Variants in PPIG observed in about 807,000 individuals in gnomAD.
PPIG encodes peptidyl-prolyl cis-trans isomerase G.
PPIG carries 26 observed loss-of-function variants against 87.9 expected under a neutral mutation model. The ratio of observed to expected loss-of-function variants is 0.30; its 90% CI spans 0.22 to 0.41. The LOEUF (loss-of-function observed/expected upper bound fraction) is 0.41, where lower values mean the gene tolerates loss of function less well. Among genes scored for constraint, PPIG ranks in the 10% least tolerant of loss-of-function variants. PPIG has a pLI of 1.00. For missense variants in PPIG, 722 were observed against 879.4 expected (o/e 0.82, Z 2.26); for synonymous variants, 308 against 276.5 (o/e 1.11, Z -1.13).
intron 7 of PPIG, among the ~76,000 whole-genome samples, chr2:169,609,169 TGAGGGACG>T (rs1487834675): frequency 6.6e-6 from 1 of 151,978 alleles, no homozygotes; most frequent in Non-Finnish European, 1.5e-5. Context: ...GAGGAATCTA[TGAGGGACG>T]GAATTGTTGA....
At chr2:169,610,749 G>A (rs1342320508) in intron 7 of PPIG, among the ~76,000 whole-genome samples, 2 of 151,958 alleles carry the variant, frequency 1.3e-5, no homozygotes, top group African/African-American at 4.8e-5. Flanking sequence ...CATGTATACT[G>A]TTTCACTCTT....
At chr2:169,620,185 G>T (rs775472356) in intron 9 of PPIG, among the ~76,000 whole-genome samples, 16 of 151,932 alleles carry the variant, frequency 1.1e-4, no homozygotes, top group Non-Finnish European at 1.8e-4. Flanking sequence ...CTTTTTCCGT[G>T]TGTTTTCTTT....
In PPIG at chr2:169,636,234, A is replaced by G. The variant is rs780982137; in HGVS notation, c.1154+6A>G. On this transcript the variant is annotated splice_donor_region_variant and intron_variant, in intron 13 of 13. Transcript: ENST00000260970. ...AGATGGATCAAGGGGGATAAGTAAGATTTAACTATTATTATTTCAAATGTA... is the reference window on the plus strand; with the variant it reads ...AGATGGATCAAGGGGGATAAGTAAGGTTTAACTATTATTATTTCAAATGTA... 1 of 1,583,790 alleles carries G rather than the reference A, an allele frequency of 6.3e-7. No individual in the cohort carries two copies. Among genetic ancestry groups the G allele is most frequent in the Non-Finnish European group, 8.5e-7 (1 of 1,171,076 alleles).
At chr2:169,630,144 T>G (rs566221073) in intron 9 of PPIG, among the ~76,000 whole-genome samples, 36 of 150,498 alleles carry the variant, frequency 2.4e-4, no homozygotes, top group African/African-American at 7.1e-4. Flanking sequence ...ACTCTGAGTT[T>G]TTTTTTTTTT....
In PPIG at chr2:169,584,432, T is replaced by C. The variant is rs1166096399; in HGVS notation, c.-128T>C. 6.4e-6 allele frequency: 3 copies of C among 470,802 alleles called. No individual in the cohort carries two copies. The highest frequency in any genetic ancestry group is 2.4e-5 in the Admixed American group (1 of 42,538). The allele number at this position is 470,802 out of a possible 1,614,324, so 29.2% of individuals were successfully genotyped here. A position where few individuals can be genotyped will look rare whatever the true frequency, so the allele number is the denominator to read the frequency against. ...GCTTTAGCGCCTTTTCTGGCGGCGG[T>C]AGATTTGAAGCGCTTCAAAGGACCG... On this transcript the variant is annotated 5_prime_UTR_variant, in exon 1 of 14. Coordinates refer to ENST00000260970, the MANE Select transcript of PPIG (RefSeq NM_004792.3).
chr2:169,588,977 A>C (rs924818941), intron 1 of PPIG, among the ~76,000 whole-genome samples: 6 of 149,126 alleles, frequency 4.0e-5, no homozygotes, highest in African/African-American at 1.3e-4. Context: ...AAAAAAAAAA[A>C]AAAAAACCTT....
chr2:169,614,785 T>G, intron 9 of PPIG, 61 bp downstream of exon 9: 1 of 1,450,900 alleles, frequency 6.9e-7, no homozygotes, highest in Non-Finnish European at 9.2e-7. Context: ...AGAGATACTC[T>G]AAATAGTTGA....
chr2:169,620,766 T>C, intron 9 of PPIG, among the ~76,000 whole-genome samples: 1 of 152,190 alleles, frequency 6.6e-6, no homozygotes, highest in East Asian at 1.9e-4. Context: ...TTTAAGTCTT[T>C]ATATTTGAAA....
chr2:169,588,980 A>C (rs934822044), intron 1 of PPIG, among the ~76,000 whole-genome samples: 2 of 150,716 alleles, frequency 1.3e-5, no homozygotes, highest in Admixed American at 6.6e-5. Flanking sequence ...AAAAAAAAAA[A>C]AAACCTTAGA....
chr2:169,594,715 C>T (rs1684972576), intron 1 of PPIG, among the ~76,000 whole-genome samples: 1 of 149,812 alleles, frequency 6.7e-6, no homozygotes, highest in Non-Finnish European at 1.5e-5. Context: ...ATCTCCACCT[C>T]CTGGGTTTAA....
intron 1 of PPIG, among the ~76,000 whole-genome samples, chr2:169,600,822 A>G (rs962528664): frequency 6.6e-6 from 1 of 152,208 alleles, no homozygotes. Context: ...GATAGACTCA[A>G]TATTTTCATT....
chr2:169,617,139 T>C (rs1685626196), intron 9 of PPIG, among the ~76,000 whole-genome samples: 1 of 152,238 alleles, frequency 6.6e-6, no homozygotes, highest in Non-Finnish European at 1.5e-5. Context: ...TTTCTTGTTT[T>C]TGTCAGGTTT....
chr2:169,588,799 A>G (rs1200356712), intron 1 of PPIG, among the ~76,000 whole-genome samples: 3 of 151,982 alleles, frequency 2.0e-5, no homozygotes, highest in Non-Finnish European at 2.9e-5. Context: ...TGTCTCTACT[A>G]AAAATACAAA....
At chr2:169,606,194 T>C in intron 5 of PPIG, 48 bp downstream of exon 5, 1 of 1,364,296 alleles carries the variant, frequency 7.3e-7, no homozygotes. Context: ...ATATCACAGA[T>C]CTCAAAGTTA....
intron 1 of PPIG, among the ~76,000 whole-genome samples, chr2:169,599,366 A>G (rs1226424680): frequency 1.3e-5 from 2 of 152,008 alleles, no homozygotes; most frequent in Non-Finnish European, 2.9e-5. Context: ...ACATTTTTTC[A>G]TGTTATTTTA....
intron 4 of PPIG, among the ~76,000 whole-genome samples, chr2:169,604,910 C>T (rs1472884480): frequency 6.6e-6 from 1 of 151,206 alleles, no homozygotes; most frequent in Non-Finnish European, 1.5e-5. Context: ...TGGCTGGGCA[C>T]GGTGTGGCTG....
Position 169,591,609 on chromosome 2 carries a change from C to A in PPIG, c.-70+7119C>A, listed in dbSNP as rs144063174. On this transcript the variant is annotated intron_variant, in intron 1 of 13. Transcript: ENST00000260970. ...GATTCAGTATATTATACTTAAATTT[C>A]TGAAGGAGTCAAGCAGGTGAGGTAA... Among the ~76,000 whole-genome samples the A allele has an allele frequency of 6.5e-3, 984 of 151,942 alleles. 4 individuals carry two copies. Among genetic ancestry groups the A allele is most frequent in the Non-Finnish European group, 8.9e-3 (606 of 67,990 alleles).
At chr2:169,623,032 TCTTC>T (rs1685798802) in intron 9 of PPIG, among the ~76,000 whole-genome samples, 2 of 152,290 alleles carry the variant, frequency 1.3e-5, no homozygotes. Flanking sequence ...GGGCAATCAA[TCTTC>T]CTGGGCCTTT....
In PPIG at chr2:169,637,601, G is replaced by T; in HGVS notation, c.*78G>T. ...CTTGCTAATGAATCTCCTTTATGTT[G>T]TTTTCCTTTTCATTGTTTTTGGATT... On this transcript the variant is annotated 3_prime_UTR_variant, in exon 14 of 14. Transcript: ENST00000260970. 3 of 1,308,708 alleles carry T rather than the reference G, an allele frequency of 2.3e-6. No individual in the cohort carries two copies. Among genetic ancestry groups the T allele is most frequent in the South Asian group, 1.9e-5 (1 of 52,964 alleles). The allele number at this position is 1,308,708 out of a possible 1,614,324, so 81.1% of individuals were successfully genotyped here. A position where few individuals can be genotyped will look rare whatever the true frequency, so the allele number is the denominator to read the frequency against.
Sources: gnomAD v4.1 joint callset for allele counts (sites outside exome capture counted in the v4.1 genomes callset) on GRCh38, gnomAD v4.1.1 for gene constraint, MANE v1.5 for transcripts, NCBI Gene and HGNC (gene_info 2026-07-23, HGNC 2026-07-21) for gene names.